CLDN16: variants seen among roughly 807,000 people sequenced by gnomAD.
CLDN16 encodes claudin 16.
Under a neutral mutation model 24.6 loss-of-function variants are expected in CLDN16, and 13 were observed. The ratio of observed to expected loss-of-function variants is 0.53; its 90% CI spans 0.34 to 0.84. The LOEUF (loss-of-function observed/expected upper bound fraction) is 0.84. Ranked by LOEUF, CLDN16 falls within the 40% of genes least tolerant of loss-of-function variation. The pLI is 0.01. For synonymous variants in CLDN16, 116 were observed against 106.7 expected, an observed-to-expected ratio of 1.09 and a Z score of -0.54; for missense variants, 298 against 292.7, an observed-to-expected ratio of 1.02 and a Z score of -0.13.
chr3:190,379,943 C>A (rs952594726), intron 3 of CLDN16, among the ~76,000 whole-genome samples: 4 of 145,744 alleles, frequency 2.7e-5, no homozygotes, highest in Non-Finnish European at 6.1e-5. Flanking sequence ...ACATTGTAGA[C>A]CTAGATTGAT....
chr3:190,380,240 C>CCCTCCCTT (rs1417978876), intron 3 of CLDN16, among the ~76,000 whole-genome samples: 5 of 47,822 alleles, frequency 1.0e-4, no homozygotes, highest in African/African-American at 5.2e-4. Context: ...TTCCTTCCCT[C>CCCTCCCTT]CCTTCCTTCC....
intron 2 of CLDN16, among the ~76,000 whole-genome samples, chr3:190,371,331 A>G (rs1577413626): frequency 6.6e-6 from 1 of 151,836 alleles, no homozygotes; most frequent in Non-Finnish European, 1.5e-5. Flanking sequence ...TGAGTCATAC[A>G]TATGTGAGGG....
At chr3:190,332,045 T>C (rs748133406) in intron 1 of CLDN16, among the ~76,000 whole-genome samples, 7 of 152,328 alleles carry the variant, frequency 4.6e-5, no homozygotes, top group Middle Eastern at 3.4e-3. Context: ...TGTGATAACA[T>C]TGGGCTCATT....
chr3:190,395,611 CT>C (rs1467496322), intron 1 of CLDN16, among the ~76,000 whole-genome samples: 2 of 151,862 alleles, frequency 1.3e-5, no homozygotes, highest in African/African-American at 4.8e-5. Context: ...TAAGTAAGTA[CT>C]AAGTAGGTAT....
At chr3:190,366,688 A>C (rs1200435612) in intron 1 of CLDN16, among the ~76,000 whole-genome samples, 1 of 151,920 alleles carries the variant, frequency 6.6e-6, no homozygotes, top group African/African-American at 2.4e-5. Context: ...AGTTGACCCA[A>C]ACTGGGGGAA....
At chr3:190,330,918 C>A in intron 1 of CLDN16, among the ~76,000 whole-genome samples, 1 of 152,184 alleles carries the variant, frequency 6.6e-6, no homozygotes, top group Non-Finnish European at 1.5e-5. Flanking sequence ...TTATCCTGTT[C>A]TCTCTCCTAC....
chr3:190,372,045 A>T (rs554186573), intron 2 of CLDN16, among the ~76,000 whole-genome samples: 2 of 151,962 alleles, frequency 1.3e-5, no homozygotes, highest in South Asian at 4.2e-4. Context: ...CCAGTGTAAG[A>T]TGTGTTTTAT....
chr3:190,316,694 G>C, the CLDN16 span, among the ~76,000 whole-genome samples: 1 of 152,084 alleles, frequency 6.6e-6, no homozygotes, highest in Admixed American at 6.5e-5. Context: ...TCCATCTAAA[G>C]CACCAAGCAC....
chr3:190,338,548 A>T (rs1717361318), intron 1 of CLDN16, among the ~76,000 whole-genome samples: 4 of 152,194 alleles, frequency 2.6e-5, no homozygotes. Context: ...TAACTAGGGA[A>T]TCAAGGCTCT....
chr3:190,408,240 T>C, intron 3 of CLDN16, 74 bp from the exon 4 acceptor site: 2 of 1,402,806 alleles, frequency 1.4e-6, no homozygotes, highest in Non-Finnish European at 2.0e-6. Context: ...CCATTTTGTG[T>C]AGTAAGCAGG....
intron 1 of CLDN16, among the ~76,000 whole-genome samples, chr3:190,354,872 C>T (rs890325935): frequency 2.6e-5 from 4 of 152,012 alleles, no homozygotes; most frequent in Admixed American, 2.0e-4. Context: ...GAAACCTCTG[C>T]TTTTTTATGT....
At chr3:190,358,575 T>C (rs1377875935) in intron 1 of CLDN16, among the ~76,000 whole-genome samples, 2 of 151,970 alleles carry the variant, frequency 1.3e-5, no homozygotes, top group African/African-American at 4.8e-5. Flanking sequence ...TGTAGGATGA[T>C]TGCAAATTGT....
chr3:190,319,222 G>A (rs981032484), upstream of CLDN16, among the ~76,000 whole-genome samples: 3 of 152,146 alleles, frequency 2.0e-5, no homozygotes, highest in African/African-American at 4.8e-5. Flanking sequence ...AAAACAAGGC[G>A]AGAGGTACAG....
chr3:190,347,706 A>T (rs1372519691), intron 1 of CLDN16, among the ~76,000 whole-genome samples: 2 of 152,206 alleles, frequency 1.3e-5, no homozygotes, highest in East Asian at 3.9e-4. Context: ...GACAATAAAA[A>T]GAGGTGATAT....
At chr3:190,335,349 G>T (rs1717277189) in intron 1 of CLDN16, among the ~76,000 whole-genome samples, 1 of 151,594 alleles carries the variant, frequency 6.6e-6, no homozygotes, top group African/African-American at 2.4e-5. Context: ...TGGCCCTGAG[G>T]ATGAATTCTT....
intron 3 of CLDN16, among the ~76,000 whole-genome samples, chr3:190,379,976 T>TCTATCTAG (rs1185922744): frequency 2.2e-3 from 10 of 4,582 alleles, no homozygotes; most frequent in Non-Finnish European, 4.2e-3. Context: ...ATCAACTCTG[T>TCTATCTAG]CTATCTATCT....
intron 3 of CLDN16, among the ~76,000 whole-genome samples, chr3:190,379,991 A>G (rs1249588374): frequency 6.6e-6 from 1 of 151,716 alleles, no homozygotes; most frequent in Admixed American, 6.6e-5. Context: ...CTATCTATCT[A>G]TCTATCTATC....
chr3:190,365,052 T>G (rs1476725413), intron 1 of CLDN16, among the ~76,000 whole-genome samples: 2 of 151,910 alleles, frequency 1.3e-5, no homozygotes, highest in African/African-American at 4.8e-5. Flanking sequence ...TTATCCATCC[T>G]TAATTTGTTT....
At chr3:190,317,914 G>C, upstream of CLDN16, among the ~76,000 whole-genome samples, 1 of 152,178 alleles carries the variant, frequency 6.6e-6, no homozygotes, top group East Asian at 1.9e-4. Context: ...TGCATCTGTA[G>C]TTGCTTAATA....
Sources: allele counts gnomAD v4.1 joint callset (sites outside exome capture counted in the v4.1 genomes callset), GRCh38; gene constraint gnomAD v4.1.1; transcripts MANE v1.5; gene names NCBI Gene and HGNC (gene_info 2026-07-23, HGNC 2026-07-21).